The following EFR3B variants were observed in gnomAD, a reference collection of about 807,000 sequenced individuals.
EFR3B encodes protein EFR3 homolog B.
In EFR3B, 64 loss-of-function variants were observed where a neutral mutation model predicts 104.7. The ratio of observed to expected loss-of-function variants is 0.61; its 90% CI spans 0.50 to 0.75. The LOEUF (loss-of-function observed/expected upper bound fraction) is 0.75, where lower values mean the gene tolerates loss of function less well. EFR3B is among the 30% of genes least tolerant of loss of function. EFR3B has a pLI of 0.00. For missense variants in EFR3B, 750 were observed against 1,078.5 expected, an observed-to-expected ratio of 0.70 and a Z score of 4.27; for synonymous variants, 385 against 417.9, an observed-to-expected ratio of 0.92 and a Z score of 0.96.
Position 25,130,240 on chromosome 2 carries a change from C to T in EFR3B, c.770+131C>T, listed in dbSNP as rs923920154. On this transcript the variant is annotated intron_variant, in intron 7 of 22. Transcript: ENST00000403714. The surrounding 1 kb of genome is among the most constrained non-coding windows in gnomAD (Gnocchi z 4.6). ...GTGCCGCAGCCGAGTCGATCCCTTCCCTGTGCCTGTGTTCCCTGCACTGTG... is the reference window on the plus strand; with the variant it reads ...GTGCCGCAGCCGAGTCGATCCCTTCTCTGTGCCTGTGTTCCCTGCACTGTG... 22 of 1,383,632 alleles carry T rather than the reference C, an allele frequency of 1.6e-5. No individual in the cohort carries two copies. In the East Asian group the frequency reaches 5.5e-4, roughly 35 times the overall value. The allele number at this position is 1,383,632 out of a possible 1,614,324, so 85.7% of individuals were successfully genotyped here. A position where few individuals can be genotyped will look rare whatever the true frequency, so the allele number is the denominator to read the frequency against.
At chr2:25,143,646 G>A (rs1670736322) in intron 17 of EFR3B, 89 bp from the exon 18 acceptor site, 2 of 1,487,838 alleles carry the variant, frequency 1.3e-6, no homozygotes, top group East Asian at 2.5e-5. Context: ...GGCGACAAGA[G>A]CAAAACCCTG....
intron 1 of EFR3B, among the ~76,000 whole-genome samples, chr2:25,052,241 C>T (rs535827797): frequency 3.9e-5 from 6 of 152,134 alleles, no homozygotes; most frequent in Non-Finnish European, 7.4e-5. Flanking sequence ...GCTGGGGTTA[C>T]AGGCATGAGC....
intron 17 of EFR3B, among the ~76,000 whole-genome samples, chr2:25,142,224 C>T (rs1401946500): frequency 3.9e-5 from 6 of 152,098 alleles, no homozygotes; most frequent in African/African-American, 7.2e-5. Context: ...GGGCGGATCA[C>T]TTGAGGTCAG....
intron 1 of EFR3B, among the ~76,000 whole-genome samples, chr2:25,052,720 A>G (rs1385114430): frequency 2.0e-5 from 3 of 151,600 alleles, no homozygotes; most frequent in Admixed American, 6.6e-5. Context: ...GGTCAGGCTG[A>G]TCTTGAACTC....
intron 5 of EFR3B, among the ~76,000 whole-genome samples, chr2:25,123,687 A>T (rs1471932460): frequency 6.6e-6 from 1 of 152,260 alleles, no homozygotes; most frequent in East Asian, 1.9e-4. Flanking sequence ...TAGGGGAGGT[A>T]TAGGACCATG....
At position 25,080,283 on chromosome 2, in the gene EFR3B, CTTTTTTTTTTTT is replaced by C. The variant is rs563438610; in HGVS notation, c.8-11025_8-11014del. ...AGCTGGCTGGAGTCCCTCCCCAAAG[CTTTTTTTTTTTT>C]TTTTTTTTTTTTTTTTGAGATGGAG... On this transcript the variant is annotated intron_variant, in intron 1 of 22. Transcript: ENST00000403714. 219 of 154,930 alleles carry C rather than the reference CTTTTTTTTTTTT, an allele frequency of 1.4e-3. 2 individuals are homozygous for C. The highest frequency in any genetic ancestry group is 7.6e-3 in the South Asian group (137 of 17,938). 9.6% of individuals were successfully genotyped at this position (154,930 alleles called of 1,614,324 possible). A position where few individuals can be genotyped will look rare whatever the true frequency, so the allele number is the denominator to read the frequency against.
At chr2:25,057,514 G>C (rs1265917262) in intron 1 of EFR3B, among the ~76,000 whole-genome samples, 1 of 152,180 alleles carries the variant, frequency 6.6e-6, no homozygotes, top group Admixed American at 6.5e-5. Flanking sequence ...GAGCACGGTG[G>C]CTCACGCCTG....
At chr2:25,138,125 T>C (rs1670569926) in intron 15 of EFR3B, among the ~76,000 whole-genome samples, 1 of 152,066 alleles carries the variant, frequency 6.6e-6, no homozygotes. Flanking sequence ...TGAGCAGAGA[T>C]TTCACCACTG....
chr2:25,050,148 TAAG>T (rs954456013), intron 1 of EFR3B, among the ~76,000 whole-genome samples: 7 of 149,756 alleles, frequency 4.7e-5, no homozygotes, highest in Non-Finnish European at 7.4e-5. Context: ...AAAAAATAGA[TAAG>T]GAGATAATGT....
intron 1 of EFR3B, among the ~76,000 whole-genome samples, chr2:25,043,441 G>A (rs750178742): frequency 2.0e-5 from 3 of 152,230 alleles, no homozygotes; most frequent in Non-Finnish European, 2.9e-5. Context: ...GGCAGAGGAA[G>A]CTGAGAGCCT....
intron 5 of EFR3B, among the ~76,000 whole-genome samples, chr2:25,125,042 AGTGAGACTCC>A (rs1317094816): frequency 6.6e-6 from 1 of 152,166 alleles, no homozygotes; most frequent in Non-Finnish European, 1.5e-5. Context: ...TGGGCAACGG[AGTGAGACTCC>A]GTGTCGAAAA....
intron 1 of EFR3B, among the ~76,000 whole-genome samples, chr2:25,050,499 G>T (rs1667837741): frequency 6.6e-6 from 1 of 151,964 alleles, no homozygotes; most frequent in African/African-American, 2.4e-5. Context: ...TTTTTTCCAT[G>T]GTACATAAAA....
At chr2:25,140,674 T>C (rs558827049) in intron 16 of EFR3B, among the ~76,000 whole-genome samples, 1 of 152,252 alleles carries the variant, frequency 6.6e-6, no homozygotes, top group Non-Finnish European at 1.5e-5. Flanking sequence ...TGTTTTGCAA[T>C]GCACTTGGGT....
intron 1 of EFR3B, among the ~76,000 whole-genome samples, chr2:25,077,926 C>T (rs1003784607): frequency 1.8e-4 from 27 of 152,084 alleles, no homozygotes; most frequent in African/African-American, 5.8e-4. Context: ...TTTTTTGTTT[C>T]ATGGATTCAC....
chr2:25,102,951 C>T (rs1467765482), intron 3 of EFR3B, among the ~76,000 whole-genome samples: 1 of 152,108 alleles, frequency 6.6e-6, no homozygotes, highest in African/African-American at 2.4e-5. Flanking sequence ...TTGCATAGTA[C>T]TTTATCATGG....
At chr2:25,113,235 A>T (rs1190006701) in intron 4 of EFR3B, among the ~76,000 whole-genome samples, 1 of 152,188 alleles carries the variant, frequency 6.6e-6, no homozygotes, top group Non-Finnish European at 1.5e-5. Context: ...AAACAAAAAA[A>T]CAAAACCAAA....
intron 6 of EFR3B, among the ~76,000 whole-genome samples, chr2:25,128,595 G>A (rs1487923149): frequency 6.6e-6 from 1 of 152,134 alleles, no homozygotes; most frequent in Non-Finnish European, 1.5e-5. Flanking sequence ...AAATCTGTTG[G>A]TAATAACACA....
chr2:25,075,704 A>T (rs572615164), intron 1 of EFR3B, among the ~76,000 whole-genome samples: 1 of 152,244 alleles, frequency 6.6e-6, no homozygotes, highest in Non-Finnish European at 1.5e-5. Context: ...TTACAAGTCA[A>T]CATATTAGAT....
intron 17 of EFR3B, among the ~76,000 whole-genome samples, chr2:25,141,993 G>A (rs1485756628): frequency 2.0e-5 from 3 of 152,164 alleles, no homozygotes; most frequent in African/African-American, 7.2e-5. Flanking sequence ...GGGGATATCT[G>A]TGTATATTTA....
Sources: gnomAD v4.1 joint callset for allele counts (sites outside exome capture counted in the v4.1 genomes callset) on GRCh38, gnomAD v4.1.1 for gene constraint, Gnocchi (gnomAD v3.1) non-coding constraint, MANE v1.5 for transcripts, NCBI Gene and HGNC (gene_info 2026-07-23, HGNC 2026-07-21) for gene names.